The following SESTD1 variants were observed in gnomAD, a reference collection of about 807,000 sequenced individuals.
SESTD1 encodes the protein SEC14 and spectrin domain containing 1.
SESTD1 carries 43 observed loss-of-function variants against 101.7 expected under a neutral mutation model. The ratio of observed to expected loss-of-function variants is 0.42; its 90% CI spans 0.33 to 0.55. The LOEUF is 0.55. Ranked by LOEUF, SESTD1 falls within the 20% of genes least tolerant of loss-of-function variation. The pLI is 0.07. For synonymous variants in SESTD1, 283 were observed against 286.8 expected, an observed-to-expected ratio of 0.99 and a Z score of 0.13; for missense variants, 647 against 815.1, an observed-to-expected ratio of 0.79 and a Z score of 2.51.
At chr2:179,132,156 A>G (rs906417512) in intron 10 of SESTD1, 148 bp downstream of exon 10, 16 of 858,974 alleles carry the variant, frequency 1.9e-5, no homozygotes, top group Non-Finnish European at 2.6e-5. Flanking sequence ...AGTAATCAAA[A>G]TGTACTTTAT....
In SESTD1 at chr2:179,250,253, G is replaced by A. The variant is rs577169863; in HGVS notation, c.-26+14246C>T. On this transcript the variant is annotated intron_variant, in intron 1 of 17. Transcript: ENST00000428443. ...GACAACTCATCAAAGAGGATATACCGATGACAAGCACATGAAAAGATGTTC... is the reference window on the plus strand; with the variant it reads ...GACAACTCATCAAAGAGGATATACCAATGACAAGCACATGAAAAGATGTTC... Among the ~76,000 whole-genome samples the A allele has an allele frequency of 5.3e-5, 8 of 152,164 alleles. No individual in the cohort carries two copies. The East Asian group carries it at 1.4e-3, about 26-fold the overall frequency.
In SESTD1 at chr2:179,181,718, T is replaced by C. The variant is rs146942748; in HGVS notation, c.164+1362A>G. Among the ~76,000 whole-genome samples the C allele has an allele frequency of 7.7e-4, 118 of 152,262 alleles. 2 individuals are homozygous for C. The East Asian group carries it at 8.7e-3, about 11-fold the overall frequency. ...ATAAGGCACTTGGCTCAGATGGCAC[T>C]TGACATATTTAACCTTCTATGAATC... On this transcript the variant is annotated intron_variant, in intron 3 of 17. Transcript: ENST00000428443.
chr2:179,159,455 A>C (rs2045692265), intron 5 of SESTD1, among the ~76,000 whole-genome samples: 1 of 152,180 alleles, frequency 6.6e-6, no homozygotes, highest in African/African-American at 2.4e-5. Flanking sequence ...GTGCAAGCAA[A>C]AGTAAGAAAC....
chr2:179,217,994 G>T (rs944065264), intron 1 of SESTD1, among the ~76,000 whole-genome samples: 2 of 152,112 alleles, frequency 1.3e-5, no homozygotes, highest in African/African-American at 4.8e-5. Context: ...TTGCGGGGCT[G>T]GGGGAGGGAT....
At chr2:179,220,354 A>G (rs950331065) in intron 1 of SESTD1, among the ~76,000 whole-genome samples, 2 of 152,232 alleles carry the variant, frequency 1.3e-5, no homozygotes, top group African/African-American at 4.8e-5. Context: ...ATAAATCCTT[A>G]GTTTGACTGC....
chr2:179,259,497 G>C (rs2047450281), intron 1 of SESTD1, among the ~76,000 whole-genome samples: 1 of 152,074 alleles, frequency 6.6e-6, no homozygotes, highest in African/African-American at 2.4e-5. Context: ...CAAAGTGCTG[G>C]GATTACAGGT....
At chr2:179,198,556 T>C (rs2046444256) in intron 1 of SESTD1, among the ~76,000 whole-genome samples, 2 of 152,090 alleles carry the variant, frequency 1.3e-5, no homozygotes, top group Admixed American at 1.3e-4. Context: ...TACTTGGAAG[T>C]ACAGCTCTCC....
At chr2:179,222,868 C>G (rs1425012491) in intron 1 of SESTD1, among the ~76,000 whole-genome samples, 3 of 152,168 alleles carry the variant, frequency 2.0e-5, no homozygotes, top group Non-Finnish European at 2.9e-5. Flanking sequence ...CTTCTCTCCA[C>G]TATATTACAT....
chr2:179,187,308 C>G (rs1409009445), intron 2 of SESTD1, among the ~76,000 whole-genome samples: 1 of 152,058 alleles, frequency 6.6e-6, no homozygotes, highest in Non-Finnish European at 1.5e-5. Flanking sequence ...ACTTAAAAGA[C>G]ACCAAATGGC....
At chr2:179,242,721 A>T (rs977727947) in intron 1 of SESTD1, among the ~76,000 whole-genome samples, 10 of 152,160 alleles carry the variant, frequency 6.6e-5, no homozygotes, top group Non-Finnish European at 1.5e-4. Context: ...TATTCAAATA[A>T]ATGGTGCTGG....
At chr2:179,239,629 T>C (rs1574059866) in intron 1 of SESTD1, among the ~76,000 whole-genome samples, 2 of 152,296 alleles carry the variant, frequency 1.3e-5, no homozygotes, top group African/African-American at 4.8e-5. Flanking sequence ...GCACAGGAAT[T>C]ATTTCAGAGC....
At chr2:179,193,871 C>T (rs1574024225) in intron 1 of SESTD1, among the ~76,000 whole-genome samples, 2 of 152,270 alleles carry the variant, frequency 1.3e-5, no homozygotes, top group South Asian at 4.1e-4. Flanking sequence ...ATCAGGAATC[C>T]TCCCGGCCAC....
chr2:179,111,011 C>A (rs937791181), intron 17 of SESTD1, among the ~76,000 whole-genome samples: 1 of 152,098 alleles, frequency 6.6e-6, no homozygotes, highest in Non-Finnish European at 1.5e-5. Context: ...GAAGCTGAAG[C>A]AAGCATACCA....
At chr2:179,264,365 CCCCGCGG>C (rs1355607386) in intron 1 of SESTD1, 127 bp downstream of exon 1, 2 of 150,738 alleles carry the variant, frequency 1.3e-5, no homozygotes, top group East Asian at 4.0e-4. Context: ...AGCCCCTCCG[CCCCGCGG>C]CCCGCGCAGG....
intron 3 of SESTD1, among the ~76,000 whole-genome samples, chr2:179,177,091 G>C (rs1407178813): frequency 2.0e-5 from 3 of 152,186 alleles, no homozygotes; most frequent in Non-Finnish European, 2.9e-5. Context: ...GACAGACCAT[G>C]TCTAACCCAC....
In SESTD1 at chr2:179,225,296, G is replaced by GA. The variant is rs1280932719; in HGVS notation, c.-25-33431dup. On this transcript the variant is annotated intron_variant, in intron 1 of 17. Transcript: ENST00000428443. Reference sequence around the variant, plus strand: ...GGTTTTTTTTCCCGTATCTCCTACAGAAGCCCTACTCTTAAGCTCTAAGTT... The same window carrying GA: ...GGTTTTTTTTCCCGTATCTCCTACAGAAAGCCCTACTCTTAAGCTCTAAGTT... Among the ~76,000 whole-genome samples the GA allele has an allele frequency of 2.0e-5, 3 of 152,148 alleles. No individual in the cohort carries two copies. The East Asian group carries it at 5.8e-4, about 29-fold the overall frequency.
rs780049195 is a variant in SESTD1 at position 179,116,736 on chromosome 2, A to G, written c.1579T>C (p.Leu527=). Reference sequence around the variant, plus strand: ...TTCGTTTCTTGAGCATCATCGCCCAATCTGATGTGAGTCTTAAGCAGAGCA... The same window carrying G: ...TTCGTTTCTTGAGCATCATCGCCCAGTCTGATGTGAGTCTTAAGCAGAGCA... ...LDALLKTHIR[L]GDDAQETKVL... The change falls in exon 15 of 18, where the codon TTG becomes CTG. Residue 527 remains leucine (L), a synonymous_variant. Coordinates refer to ENST00000428443, the MANE Select transcript of SESTD1 (RefSeq NM_178123.5). The G allele has an allele frequency of 8.1e-6, 13 of 1,614,020 alleles. No homozygotes were observed. The highest frequency in any genetic ancestry group is 2.7e-5 in the African/African-American group (2 of 74,932).
At chr2:179,156,026 A>G (rs1278835833) in intron 5 of SESTD1, among the ~76,000 whole-genome samples, 1 of 152,174 alleles carries the variant, frequency 6.6e-6, no homozygotes, top group Non-Finnish European at 1.5e-5. Context: ...CACTTAGAAT[A>G]ATAGTCTCCA....
chr2:179,245,056 T>C (rs928331084), intron 1 of SESTD1, among the ~76,000 whole-genome samples: 12 of 152,050 alleles, frequency 7.9e-5, no homozygotes, highest in African/African-American at 2.2e-4. Context: ...TGAATCAAAA[T>C]AGAATTCTAA....
Sources: allele counts gnomAD v4.1 joint callset (sites outside exome capture counted in the v4.1 genomes callset), GRCh38; gene constraint gnomAD v4.1.1; transcripts MANE v1.5; gene names NCBI Gene and HGNC (gene_info 2026-07-23, HGNC 2026-07-21).